OTOGL: variants seen among roughly 807,000 people sequenced by gnomAD.
The protein encoded by OTOGL is otogelin like.
In OTOGL, 285 loss-of-function variants were observed where a neutral mutation model predicts 318.5. The observed-to-expected ratio is 0.89, with a 90% CI of 0.81 to 0.99. The LOEUF is 0.99. Among genes scored for constraint, OTOGL ranks in the 50% least tolerant of loss-of-function variants. The pLI, the probability that OTOGL is intolerant of heterozygous loss-of-function variation, is 0.00. For synonymous variants in OTOGL, 987 were observed against 936.5 expected (o/e 1.05, Z -0.99); for missense variants, 2,899 against 2,845.6 (o/e 1.02, Z -0.43).
At chr12:80,258,046 A>G in intron 18 of OTOGL, 44 bp downstream of exon 18, 1 of 1,449,094 alleles carries the variant, frequency 6.9e-7, no homozygotes, top group Non-Finnish European at 9.1e-7. Flanking sequence ...ATGACTGGTC[A>G]TTTAAAGGAT....
At chr12:80,115,119 T>C (rs1406406625) in intron 1 of OTOGL, among the ~76,000 whole-genome samples, 2 of 152,130 alleles carry the variant, frequency 1.3e-5, no homozygotes, top group Admixed American at 6.5e-5. Flanking sequence ...ACTCATTCTC[T>C]GTCCAGTTTT....
intron 54 of OTOGL, 94 bp downstream of exon 54, chr12:80,367,833 A>G: frequency 2.5e-6 from 2 of 808,378 alleles, no homozygotes; most frequent in Non-Finnish European, 3.6e-6. Flanking sequence ...CCATTAGTTT[A>G]AAATATATAT....
intron 1 of OTOGL, among the ~76,000 whole-genome samples, chr12:80,120,022 A>G (rs1870394364): frequency 6.6e-6 from 1 of 151,778 alleles, no homozygotes; most frequent in Admixed American, 6.6e-5. Context: ...CAATAGTTCA[A>G]TTCTTTTGAT....
intron 1 of OTOGL, among the ~76,000 whole-genome samples, chr12:80,108,460 C>T (rs897518122): frequency 7.2e-5 from 11 of 151,878 alleles, no homozygotes; most frequent in African/African-American, 1.7e-4. Flanking sequence ...AAATTGGTGA[C>T]GTGAAATTTG....
rs899103582 is a variant in OTOGL, at chr12:80,372,350, A to AT, written c.6781+293dup. ...CATTTAGATTAATTTTAATTTAAAT[A>AT]TTTTTTTATTGTGGCATATTACAAA... On this transcript the variant is annotated intron_variant, in intron 57 of 58. Coordinates refer to ENST00000547103, the MANE Select transcript of OTOGL (RefSeq NM_001378609.3). Among the ~76,000 whole-genome samples the AT allele has an allele frequency of 8.5e-4, 130 of 152,098 alleles. 1 individual carries two copies. The highest frequency in any genetic ancestry group is 6.8e-3 in the Middle Eastern group (2 of 294).
intron 1 of OTOGL, among the ~76,000 whole-genome samples, chr12:80,146,802 G>C (rs1311274447): frequency 1.5e-4 from 22 of 148,296 alleles, no homozygotes; most frequent in South Asian, 1.1e-3. Context: ...TGTATGTGTC[G>C]AGGAATTTAT....
intron 50 of OTOGL, 91 bp from the exon 51 acceptor site, chr12:80,358,580 C>T: frequency 9.7e-7 from 1 of 1,028,218 alleles, no homozygotes; most frequent in Non-Finnish European, 1.4e-6. Flanking sequence ...TGAATCCATG[C>T]ATTATTGTAA....
At chr12:80,351,549 C>T (rs976467553) in intron 44 of OTOGL, among the ~76,000 whole-genome samples, 3 of 151,982 alleles carry the variant, frequency 2.0e-5, no homozygotes, top group African/African-American at 4.8e-5. Context: ...CTCTTGACCT[C>T]GTGATCCACC....
chr12:80,316,686 G>T (rs536934181), intron 32 of OTOGL, among the ~76,000 whole-genome samples: 1 of 152,190 alleles, frequency 6.6e-6, no homozygotes, highest in Non-Finnish European at 1.5e-5. Flanking sequence ...GCATCAATGT[G>T]CCAAGGGGCG....
chr12:80,315,839 G>A, intron 32 of OTOGL, among the ~76,000 whole-genome samples: 1 of 152,070 alleles, frequency 6.6e-6, no homozygotes, highest in Admixed American at 6.6e-5. Context: ...CTAAAATTAT[G>A]TCCTGTTCAA....
In OTOGL at chr12:80,267,293, C is replaced by T; in HGVS notation, c.2431C>T (p.Pro811Ser). ...RCHYRGSVYQPGELIPTPSGL... is the reference protein window; with the variant it reads ...RCHYRGSVYQSGELIPTPSGL... Reference sequence around the variant, plus strand: ...TCATTATAGGGGCAGTGTTTATCAACCTGGAGAGCTCATCCCCACACCCTC... The same window carrying T: ...TCATTATAGGGGCAGTGTTTATCAATCTGGAGAGCTCATCCCCACACCCTC... The change falls in exon 22 of 59, where the codon CCT (proline) becomes TCT (serine). Residue 811 changes from proline (P) to serine (S), a missense_variant. Pro to Ser is a moderately conservative substitution (Grantham distance 74, BLOSUM62 -1). Around this residue, in one of 3 missense-constraint regions of OTOGL, gnomAD observed 2,607 missense variants for 2,524.9 expected, o/e 1.03. Transcript: ENST00000547103. 1 of 1,565,826 alleles carries T rather than the reference C, an allele frequency of 6.4e-7. No individual in the cohort carries two copies. The highest frequency in any genetic ancestry group is 1.4e-5 in the African/African-American group (1 of 73,552).
At chr12:80,358,432 C>G (rs1890042600) in intron 50 of OTOGL, 83 bp downstream of exon 50, 1 of 1,153,114 alleles carries the variant, frequency 8.7e-7, no homozygotes, top group Non-Finnish European at 1.2e-6. Context: ...GCTGTTACAT[C>G]AGACCCTTTT....
intron 1 of OTOGL, among the ~76,000 whole-genome samples, chr12:80,114,239 A>G (rs926533781): frequency 6.6e-6 from 1 of 152,008 alleles, no homozygotes. Context: ...TTGTTTTTGC[A>G]GTGGCTGGTA....
chr12:80,373,918 T>G (rs766301499), intron 57 of OTOGL, among the ~76,000 whole-genome samples: 4 of 152,162 alleles, frequency 2.6e-5, no homozygotes, highest in Admixed American at 6.6e-5. Context: ...TGATAAGCTC[T>G]GCTGAAGTGG....
At chr12:80,142,050 A>T (rs926192655) in intron 1 of OTOGL, among the ~76,000 whole-genome samples, 7 of 152,110 alleles carry the variant, frequency 4.6e-5, no homozygotes, top group Non-Finnish European at 1.0e-4. Flanking sequence ...TTGCTTGCTT[A>T]GTGTACCAAA....
chr12:80,333,119 T>C (rs1269520756), intron 38 of OTOGL, 41 bp downstream of exon 38: 6 of 1,499,890 alleles, frequency 4.0e-6, no homozygotes, highest in Non-Finnish European at 5.5e-6. Flanking sequence ...GTCATTTCCA[T>C]ATATCATCCA....
intron 29 of OTOGL, among the ~76,000 whole-genome samples, chr12:80,309,264 C>G (rs549900289): frequency 1.5e-4 from 23 of 152,196 alleles, no homozygotes; most frequent in African/African-American, 4.8e-4. Context: ...GAAAAATTAA[C>G]AGTCGGAACA....
intron 44 of OTOGL, among the ~76,000 whole-genome samples, chr12:80,351,351 C>G (rs1362493958): frequency 2.0e-5 from 3 of 151,810 alleles, no homozygotes; most frequent in Admixed American, 6.6e-5. Flanking sequence ...CAGTCTCACT[C>G]TGTTGCCAGG....
chr12:80,145,373 T>G (rs944419122), intron 1 of OTOGL, among the ~76,000 whole-genome samples: 1 of 152,136 alleles, frequency 6.6e-6, no homozygotes, highest in South Asian at 2.1e-4. Context: ...GTTGTAGATA[T>G]GCGGCGTTAT....
Sources: allele counts gnomAD v4.1 joint callset (sites outside exome capture counted in the v4.1 genomes callset), GRCh38; gene constraint gnomAD v4.1.1; regional missense constraint gnomAD v4.1.1; transcripts MANE v1.5; gene names NCBI Gene and HGNC (gene_info 2026-07-23, HGNC 2026-07-21).